SLC6A9: variants seen among roughly 807,000 people sequenced by gnomAD.
SLC6A9 encodes solute carrier family 6 member 9, also known as sodium- and chloride-dependent glycine transporter 1.
Under a neutral mutation model 70.9 loss-of-function variants are expected in SLC6A9, and 31 were observed. That is an observed-to-expected ratio of 0.44 (90% CI 0.33 to 0.59). SLC6A9 has a LOEUF of 0.59. Among genes scored for constraint, SLC6A9 ranks in the 20% least tolerant of loss-of-function variants. The pLI is 0.04. For missense variants in SLC6A9, 631 were observed against 845.2 expected (o/e 0.75, Z 3.14); for synonymous variants, 310 against 341.3 (o/e 0.91, Z 1.01).
intron 2 of SLC6A9, among the ~76,000 whole-genome samples, chr1:44,019,146 G>A (rs555824317): frequency 6.6e-6 from 1 of 152,236 alleles, no homozygotes; most frequent in Non-Finnish European, 1.5e-5. Flanking sequence ...AATGGTAATA[G>A]AAAATACATA....
At chr1:44,023,136 G>C (rs2086917513) in intron 2 of SLC6A9, among the ~76,000 whole-genome samples, 1 of 152,160 alleles carries the variant, frequency 6.6e-6, no homozygotes, top group African/African-American at 2.4e-5. Flanking sequence ...GCAACACAGG[G>C]GATTGAAAGG....
At chr1:44,007,805 C>A (rs1390855361) in intron 5 of SLC6A9, among the ~76,000 whole-genome samples, 1 of 152,106 alleles carries the variant, frequency 6.6e-6, no homozygotes, top group Non-Finnish European at 1.5e-5. Flanking sequence ...CCTCTGAAGG[C>A]TGGTTTGCTG....
At chr1:44,010,285 T>C in intron 3 of SLC6A9, 189 bp from the exon 4 acceptor site, 2 of 581,218 alleles carry the variant, frequency 3.4e-6, no homozygotes, top group Non-Finnish European at 6.1e-6. Context: ...ACAGAGGCTC[T>C]CAGGAATTCT....
At position 43,997,662 on chromosome 1, in the gene SLC6A9, G is replaced by T; in HGVS notation, c.1785C>A (p.Pro595=). 6.2e-7 allele frequency: 1 copy of T among 1,613,890 alleles called. No individual in the cohort carries two copies. Among genetic ancestry groups the T allele is most frequent in the Non-Finnish European group, 8.5e-7 (1 of 1,179,870 alleles). ...LLEHRTGRYA[P]TIAPSPEDGF... ...CGTCCTCAGGAGAGGGGGCTATGGT[G>T]GGGGCGTAGCGCCCTGTCCGGTGCT... The change falls in exon 14 of 14, where the codon CCC becomes CCA. Residue 595 remains proline (P), a synonymous_variant. Coordinates refer to ENST00000372310, the MANE Select transcript of SLC6A9 (RefSeq NM_001024845.3). This position sits in a 1 kb window ranked among gnomAD's most constrained non-coding sequence, Gnocchi z 4.4.
chr1:43,997,510 G>A lies in SLC6A9; in HGVS notation c.*35C>T. The A allele has an allele frequency of 6.3e-7, 1 of 1,582,726 alleles. No individual in the cohort carries two copies. Among genetic ancestry groups the A allele is most frequent in the South Asian group, 1.1e-5 (1 of 90,420 alleles). On this transcript the variant is annotated 3_prime_UTR_variant, in exon 14 of 14. Coordinates refer to ENST00000372310, the MANE Select transcript of SLC6A9 (RefSeq NM_001024845.3). This position sits in a 1 kb window ranked among gnomAD's most constrained non-coding sequence, Gnocchi z 4.4. ...CACCAGTCTCTGCGGTGGGAGCACG[G>A]GGTGGGGGTGGGGCCACTCCCCTGG... is the stretch of plus-strand genomic sequence containing the variant.
At chr1:44,030,998 G>GCCACC (rs1394643151) in intron 1 of SLC6A9, among the ~76,000 whole-genome samples, 5 of 77,900 alleles carry the variant, frequency 6.4e-5, no homozygotes, top group Non-Finnish European at 1.4e-4. Flanking sequence ...GCGCCCCCCC[G>GCCACC]CCACCCCACG....
Position 44,020,384 on chromosome 1 carries a change from G to A in SLC6A9, c.30+3864C>T, listed in dbSNP as rs2086859168. Among the ~76,000 whole-genome samples, 3 of 152,176 alleles carry A rather than the reference G, an allele frequency of 2.0e-5. No homozygotes were observed. The South Asian group carries it at 6.2e-4, about 31-fold the overall frequency. On this transcript the variant is annotated intron_variant, in intron 2 of 13. Transcript: ENST00000372310. ...TGGTGTGCTAGGTCCTGTACTAGGG[G>A]AGTACCCCGGGTATGTCGAATTCTG...
intron 12 of SLC6A9, among the ~76,000 whole-genome samples, chr1:43,998,329 C>T (rs984839362): frequency 8.5e-5 from 13 of 152,180 alleles, no homozygotes; most frequent in African/African-American, 2.7e-4. Flanking sequence ...CTATGGCTCC[C>T]CATGGCTAAC....
In SLC6A9 at chr1:44,002,492, C is replaced by T. The variant is rs755894034; in HGVS notation, c.858+20G>A. 22 of 1,613,946 alleles carry T rather than the reference C, an allele frequency of 1.4e-5. No individual in the cohort carries two copies. The East Asian group carries it at 2.2e-4, about 16-fold the overall frequency. On this transcript the variant is annotated intron_variant, in intron 7 of 13. Coordinates refer to ENST00000372310, the MANE Select transcript of SLC6A9 (RefSeq NM_001024845.3). The surrounding 1 kb of genome is among the most constrained non-coding windows in gnomAD (Gnocchi z 5.5). ...CCCTGGCCCCTCCCCAGCCCCCTTC[C>T]GGTTTCCCTCACTTCCCACCTTGGC...
rs559666265 is a variant in SLC6A9, at chr1:44,030,156, G to T, written c.-86+1150C>A. On this transcript the variant is annotated intron_variant, in intron 1 of 13. Transcript: ENST00000372310. ...GGAGGCCTCCGGCCGGCGGGCAGGG[G>T]CGCGGTCGGTCTGGGAGCAGCGGCA... Among the ~76,000 whole-genome samples the T allele has an allele frequency of 5.3e-5, 8 of 152,212 alleles. No individual in the cohort carries two copies. In the South Asian group the frequency reaches 1.7e-3, roughly 32 times the overall value.
At chr1:44,027,847 C>T (rs565018365) in intron 1 of SLC6A9, among the ~76,000 whole-genome samples, 3 of 152,218 alleles carry the variant, frequency 2.0e-5, no homozygotes, top group Admixed American at 1.3e-4. Flanking sequence ...TGGTGGTAGG[C>T]GCCTGTAATC....
At chr1:44,023,332 G>A (rs574751156) in intron 2 of SLC6A9, among the ~76,000 whole-genome samples, 3 of 152,078 alleles carry the variant, frequency 2.0e-5, no homozygotes, top group East Asian at 1.9e-4. Flanking sequence ...ATCCATCAGC[G>A]AGTCTTGCTC....
Position 44,009,019 on chromosome 1 carries a change from CT to C in SLC6A9, c.320-397del, listed in dbSNP as rs35340201. ...ACAGGCGTGAGCCACCGCGCCCGGC[CT>C]TTTTTTTTTTTTTTTTTTTTTTGAG... On this transcript the variant is annotated intron_variant, in intron 4 of 13. Coordinates refer to ENST00000372310, the MANE Select transcript of SLC6A9 (RefSeq NM_001024845.3). Among the ~76,000 whole-genome samples, 675 of 71,806 alleles carry C rather than the reference CT, an allele frequency of 9.4e-3. 3 individuals carry two copies. Among genetic ancestry groups the C allele is most frequent in the African/African-American group, 0.038 (586 of 15,236 alleles). 47.1% of individuals were successfully genotyped at this position (71,806 alleles called of 152,430 possible).
intron 2 of SLC6A9, among the ~76,000 whole-genome samples, chr1:44,019,962 G>A (rs923899005): frequency 5.3e-5 from 8 of 152,154 alleles, no homozygotes; most frequent in Non-Finnish European, 8.8e-5. Flanking sequence ...AGTGGGGAGG[G>A]GGAGGGAGGG....
chr1:44,004,927 G>A (rs2086256453), intron 5 of SLC6A9, among the ~76,000 whole-genome samples: 3 of 152,328 alleles, frequency 2.0e-5, no homozygotes, highest in Admixed American at 1.3e-4. Flanking sequence ...TTATTTCCCC[G>A]GCCAGGTGGT....
At chr1:44,023,810 G>C (rs1002712601) in intron 2 of SLC6A9, among the ~76,000 whole-genome samples, 8 of 152,262 alleles carry the variant, frequency 5.3e-5, no homozygotes, top group Admixed American at 2.6e-4. Flanking sequence ...ACATTTTCTG[G>C]GAGGCCTCAG....
intron 2 of SLC6A9, among the ~76,000 whole-genome samples, chr1:44,021,698 G>T (rs939531139): frequency 3.3e-5 from 5 of 152,198 alleles, no homozygotes; most frequent in Non-Finnish European, 7.3e-5. Flanking sequence ...ATCTACCAGG[G>T]TATCCAAAGA....
At chr1:44,022,677 C>T (rs781489133) in intron 2 of SLC6A9, among the ~76,000 whole-genome samples, 2 of 150,834 alleles carry the variant, frequency 1.3e-5, no homozygotes, top group African/African-American at 2.5e-5. Flanking sequence ...GGTTCTCTCC[C>T]ACAAACTGCT....
rs191608122 is a variant in SLC6A9 at position 44,006,915 on chromosome 1, G to A, written c.590+1438C>T. The stretch of plus-strand genomic sequence containing the variant: ...TTTAGAGGCCCTGTGGTGACTTGCG[G>A]TATCCTCAGACCCTTGTACATTTCA... On this transcript the variant is annotated intron_variant, in intron 5 of 13. Transcript: ENST00000372310. Among the ~76,000 whole-genome samples, 3 of 152,324 alleles carry A rather than the reference G, an allele frequency of 2.0e-5. No homozygotes were observed. In the East Asian group the frequency reaches 5.8e-4, roughly 29 times the overall value.
Sources: allele counts gnomAD v4.1 joint callset (sites outside exome capture counted in the v4.1 genomes callset), GRCh38; gene constraint gnomAD v4.1.1; non-coding constraint Gnocchi (gnomAD v3.1); transcripts MANE v1.5; gene names NCBI Gene and HGNC (gene_info 2026-07-23, HGNC 2026-07-21).